The following LETM1 variants were observed in gnomAD, a reference collection of about 807,000 sequenced individuals.
LETM1 encodes the protein leucine zipper and EF-hand containing transmembrane protein 1.
LETM1 carries 50 observed loss-of-function variants against 74.5 expected under a neutral mutation model. The observed-to-expected ratio is 0.67, with a 90% CI of 0.53 to 0.85. The LOEUF (loss-of-function observed/expected upper bound fraction) is 0.85. Among genes scored for constraint, LETM1 ranks in the 40% least tolerant of loss-of-function variants. The pLI, the probability that LETM1 is intolerant of heterozygous loss-of-function variation, is 0.00. For synonymous variants in LETM1, 446 were observed against 407.1 expected (o/e 1.10, Z -1.15); for missense variants, 824 against 967.8 (o/e 0.85, Z 1.97).
chr4:1,839,870 C>T (rs1712625545), intron 3 of LETM1, among the ~76,000 whole-genome samples: 1 of 152,342 alleles, frequency 6.6e-6, no homozygotes, highest in East Asian at 1.9e-4. Flanking sequence ...AAGATCCATG[C>T]CCCTTCCCCG....
chr4:1,824,742 G>A (rs1711924399), intron 7 of LETM1, among the ~76,000 whole-genome samples: 1 of 152,242 alleles, frequency 6.6e-6, no homozygotes, highest in Non-Finnish European at 1.5e-5. Context: ...ACACCCCTGT[G>A]TGTGTGGCCC....
chr4:1,828,420 A>T (rs1232652511), intron 6 of LETM1, among the ~76,000 whole-genome samples: 6 of 95,638 alleles, frequency 6.3e-5, no homozygotes, highest in South Asian at 4.4e-4. Flanking sequence ...CTGGCCGGGC[A>T]GAGGGGCTCC....
chr4:1,826,417 A>G (rs569791497), intron 6 of LETM1, among the ~76,000 whole-genome samples: 1 of 152,370 alleles, frequency 6.6e-6, no homozygotes, highest in South Asian at 2.1e-4. Context: ...CCCATGCATC[A>G]GATGCCTCCC....
rs561738898 is a variant in LETM1 at position 1,852,112 on chromosome 4, C to A, written c.83-2903G>T. Among the ~76,000 whole-genome samples, 150 of 152,284 alleles carry A rather than the reference C, an allele frequency of 9.9e-4. 1 individual carries two copies. Among genetic ancestry groups the A allele is most frequent in the African/African-American group, 3.5e-3 (147 of 41,548 alleles). On this transcript the variant is annotated intron_variant, in intron 1 of 13. Coordinates refer to ENST00000302787, the MANE Select transcript of LETM1 (RefSeq NM_012318.3). Reference sequence around the variant, plus strand: ...CAATTTAATTCCATACTGACACTACCCAGAGTTAGTGCAGACCTCACAGGG... The same window carrying A: ...CAATTTAATTCCATACTGACACTACACAGAGTTAGTGCAGACCTCACAGGG...
At chr4:1,832,021 C>A (rs1034908467) in intron 6 of LETM1, among the ~76,000 whole-genome samples, 3 of 152,174 alleles carry the variant, frequency 2.0e-5, no homozygotes, top group Non-Finnish European at 4.4e-5. Flanking sequence ...GAGTAACCAG[C>A]CGGACACAGT....
In LETM1 at chr4:1,814,149, C is replaced by A; in HGVS notation, c.*275G>T. ...CACACACATGGGGGCGCCTTCCTGC[C>A]TTGGCCCAGCCCAGCTGCCTCTGGA... On this transcript the variant is annotated 3_prime_UTR_variant, in exon 14 of 14. Coordinates refer to ENST00000302787, the MANE Select transcript of LETM1 (RefSeq NM_012318.3). The A allele has an allele frequency of 2.1e-6, 1 of 477,328 alleles. No individual in the cohort carries two copies. The highest frequency in any genetic ancestry group is 2.2e-5 in the South Asian group (1 of 46,254). 29.6% of individuals were successfully genotyped at this position (477,328 alleles called of 1,614,324 possible).
chr4:1,819,986 G>A (rs576736166), intron 10 of LETM1, among the ~76,000 whole-genome samples: 3 of 152,374 alleles, frequency 2.0e-5, no homozygotes, highest in African/African-American at 7.2e-5. Flanking sequence ...TGCCCAGGCT[G>A]GAGGGCAGTG....
intron 6 of LETM1, among the ~76,000 whole-genome samples, chr4:1,828,083 G>A (rs1712072491): frequency 7.2e-6 from 1 of 138,156 alleles, no homozygotes; most frequent in Non-Finnish European, 1.6e-5. Flanking sequence ...GGGGCGGCTG[G>A]CCGGGCAGGG....
intron 11 of LETM1, 83 bp from the exon 12 acceptor site, chr4:1,816,997 G>A (rs1711589594): frequency 4.1e-6 from 5 of 1,215,620 alleles, no homozygotes. Flanking sequence ...TGTAATCCCA[G>A]TACTTTGCAA....
intron 6 of LETM1, 139 bp from the exon 7 acceptor site, chr4:1,825,822 G>T: frequency 1.0e-6 from 1 of 982,818 alleles, no homozygotes; most frequent in Non-Finnish European, 1.5e-6. Flanking sequence ...CCCAGTTCTA[G>T]GTTAGAAGTG....
intron 10 of LETM1, among the ~76,000 whole-genome samples, chr4:1,820,170 A>C (rs908921188): frequency 2.6e-5 from 4 of 152,200 alleles, no homozygotes; most frequent in African/African-American, 9.7e-5. Flanking sequence ...TCCTGGACTC[A>C]GACGATCCTC....
intron 6 of LETM1, among the ~76,000 whole-genome samples, chr4:1,826,449 A>G (rs1307558777): frequency 6.6e-6 from 1 of 152,264 alleles, no homozygotes; most frequent in Non-Finnish European, 1.5e-5. Context: ...TCTCACCAGC[A>G]GCACTGCAAT....
rs1712396032 is a variant in LETM1, at chr4:1,834,555, C to A, written c.876+290G>T. ...CACCTCACACCATCAGGGTCTCAGG[C>A]TCCTCATGGGTCAGATTCTACTGCT... On this transcript the variant is annotated intron_variant, in intron 5 of 13. Transcript: ENST00000302787. The surrounding 1 kb of genome is among the most constrained non-coding windows in gnomAD (Gnocchi z 5.0). 8.4e-7 allele frequency: 1 copy of A among 1,188,990 alleles called. No homozygotes were observed. The highest frequency in any genetic ancestry group is 1.0e-6 in the Non-Finnish European group (1 of 954,372). The allele number at this position is 1,188,990 out of a possible 1,614,324, so 73.7% of individuals were successfully genotyped here.
intron 6 of LETM1, among the ~76,000 whole-genome samples, chr4:1,828,224 G>A (rs865855094): frequency 1.5e-5 from 2 of 137,456 alleles, no homozygotes; most frequent in Non-Finnish European, 3.2e-5. Context: ...GGGCGGGGGG[G>A]GCTGACCGCC....
chr4:1,837,013 C>G (rs541349219), intron 3 of LETM1, among the ~76,000 whole-genome samples: 2 of 152,142 alleles, frequency 1.3e-5, no homozygotes, highest in Non-Finnish European at 2.9e-5. Flanking sequence ...TAAGACTATA[C>G]TACAAAGCAA....
rs1711833157 is a variant in LETM1, at chr4:1,822,824, A to G, written c.1476+164T>C. 5.1e-6 allele frequency: 3 copies of G among 589,876 alleles called. No homozygotes were observed. In the Admixed American group the frequency reaches 1.3e-4, roughly 26 times the overall value. The allele number at this position is 589,876 out of a possible 1,614,324, so 36.5% of individuals were successfully genotyped here. A position where few individuals can be genotyped will look rare whatever the true frequency, so the allele number is the denominator to read the frequency against. On this transcript the variant is annotated intron_variant, in intron 9 of 13. Coordinates refer to ENST00000302787, the MANE Select transcript of LETM1 (RefSeq NM_012318.3). ...TCCCCATGTCAGAGTTGCAGCCCTC[A>G]CACCCGGGCACCCTGCCTCCCTGAC...
In LETM1 at chr4:1,834,498, T is replaced by C; in HGVS notation, c.876+347A>G. On this transcript the variant is annotated intron_variant, in intron 5 of 13. Transcript: ENST00000302787. The surrounding 1 kb of genome is among the most constrained non-coding windows in gnomAD (Gnocchi z 5.0). ...TTGACTGACTCCAGCCAGAGGGCAA[T>C]GCCCAGCAGAGGAGCCCGGCCAAGC... 9.3e-7 allele frequency: 1 copy of C among 1,071,578 alleles called. No homozygotes were observed. The highest frequency in any genetic ancestry group is 1.1e-6 in the Non-Finnish European group (1 of 883,392). The allele number at this position is 1,071,578 out of a possible 1,614,324, so 66.4% of individuals were successfully genotyped here. A position where few individuals can be genotyped will look rare whatever the true frequency, so the allele number is the denominator to read the frequency against.
chr4:1,850,702 C>T (rs1211842276), intron 1 of LETM1, among the ~76,000 whole-genome samples: 2 of 150,352 alleles, frequency 1.3e-5, no homozygotes, highest in Non-Finnish European at 3.0e-5. Context: ...TGGTGGCTCA[C>T]GCCTGTAATC....
At chr4:1,855,795 C>T in intron 1 of LETM1, 74 bp downstream of exon 1, 1 of 941,232 alleles carries the variant, frequency 1.1e-6, no homozygotes, top group Non-Finnish European at 1.4e-6. Context: ...ACAACCAGCC[C>T]GAACCCGCGG....
Sources: gnomAD v4.1 joint callset for allele counts (sites outside exome capture counted in the v4.1 genomes callset) on GRCh38, gnomAD v4.1.1 for gene constraint, Gnocchi (gnomAD v3.1) non-coding constraint, MANE v1.5 for transcripts, NCBI Gene and HGNC (gene_info 2026-07-23, HGNC 2026-07-21) for gene names.